Variants in TNRC6B observed in about 807,000 individuals in gnomAD.
TNRC6B encodes the protein trinucleotide repeat-containing gene 6B protein.
A neutral mutation model predicts 203.6 loss-of-function variants in TNRC6B; 52 were observed. That is an observed-to-expected ratio of 0.26 (90% confidence interval 0.20 to 0.32). The LOEUF (loss-of-function observed/expected upper bound fraction) is 0.32, where lower values mean the gene tolerates loss of function less well. Among genes scored for constraint, TNRC6B ranks in the 10% least tolerant of loss-of-function variants. The probability of loss-of-function intolerance (pLI) is 1.00; values close to 1 mark genes in which losing one functional copy is unlikely to be tolerated. For synonymous variants in TNRC6B, 838 were observed against 845.7 expected (o/e 0.99, Z 0.16); for missense variants, 1,923 against 2,286.2 (o/e 0.84, Z 3.24).
chr22:40,053,657 C>T (rs2067769631), intron 1 of TNRC6B, among the ~76,000 whole-genome samples: 2 of 152,182 alleles, frequency 1.3e-5, no homozygotes, highest in Admixed American at 1.3e-4. Flanking sequence ...TTGTAGTCAT[C>T]TTTGCATCCC....
chr22:40,156,877 A>G (rs914280426), intron 4 of TNRC6B, among the ~76,000 whole-genome samples: 1 of 150,204 alleles, frequency 6.7e-6, no homozygotes, highest in Admixed American at 6.7e-5. Context: ...CTCCTTCCTC[A>G]GCCTCCTAAA....
At chr22:40,222,734 T>C (rs2069729633) in intron 1 of TNRC6B, among the ~76,000 whole-genome samples, 1 of 51,702 alleles carries the variant, frequency 1.9e-5, no homozygotes, top group African/African-American at 4.3e-5. Flanking sequence ...CTCTCTTTTT[T>C]TTTTTTTTTT....
chr22:40,159,594 G>A (rs2068853627), intron 4 of TNRC6B, among the ~76,000 whole-genome samples: 1 of 151,540 alleles, frequency 6.6e-6, no homozygotes, highest in Non-Finnish European at 1.5e-5. Context: ...AGCCAAGATT[G>A]TGCCACTGCA....
chr22:40,233,563 A>G (rs1001855990), intron 1 of TNRC6B, among the ~76,000 whole-genome samples: 7 of 151,916 alleles, frequency 4.6e-5, no homozygotes, highest in Admixed American at 4.6e-4. Context: ...CGGAGGTTGC[A>G]GTGAGCTGAG....
chr22:40,109,027 T>A (rs745439409), intron 1 of TNRC6B, among the ~76,000 whole-genome samples: 13 of 148,020 alleles, frequency 8.8e-5, no homozygotes, highest in Non-Finnish European at 1.6e-4. Context: ...AGTGAGAATA[T>A]GCAGTGTTTG....
In TNRC6B at chr22:40,315,895, G is replaced by A. The variant is rs766455443; in HGVS notation, c.4904-47G>A. On this transcript the variant is annotated intron_variant, in intron 20 of 22. Transcript: ENST00000454349. ...ATCTTTCTCCCTCATGGCTTTTCTT[G>A]TTTTTGTTTTATTTCTCTTCCTAAC... The A allele has an allele frequency of 4.8e-6, 7 of 1,460,040 alleles. No homozygotes were observed. The South Asian group carries it at 8.4e-5, about 17-fold the overall frequency. 90.4% of individuals were successfully genotyped at this position (1,460,040 alleles called of 1,614,324 possible).
chr22:40,274,876 C>T (rs1601480207), intron 7 of TNRC6B, among the ~76,000 whole-genome samples: 1 of 152,152 alleles, frequency 6.6e-6, no homozygotes, highest in African/African-American at 2.4e-5. Flanking sequence ...CAGACCCTCT[C>T]TTTTTTCAAT....
At chr22:40,127,012 TAATA>T (rs1031681323) in intron 3 of TNRC6B, among the ~76,000 whole-genome samples, 13 of 149,182 alleles carry the variant, frequency 8.7e-5, no homozygotes, top group African/African-American at 1.5e-4. Context: ...TAAATATATA[TAATA>T]AATAAAATAA....
chr22:40,192,532 G>T (rs1476089336), intron 1 of TNRC6B, among the ~76,000 whole-genome samples: 2 of 152,180 alleles, frequency 1.3e-5, no homozygotes, highest in African/African-American at 4.8e-5. Context: ...CATGAGAATT[G>T]CTTGAATCCA....
Position 40,266,074 on chromosome 22 carries a change from C to G in TNRC6B, c.1844C>G (p.Pro615Arg). 1.2e-6 allele frequency: 2 copies of G among 1,613,710 alleles called. No homozygotes were observed. The highest frequency in any genetic ancestry group is 1.7e-6 in the Non-Finnish European group (2 of 1,179,900). Reference protein sequence around the residue: ...QTLLSRTDLDPRVLSNTGWGQ... With the variant: ...QTLLSRTDLDRRVLSNTGWGQ... Reference sequence around the variant, plus strand: ...CTTTTGAGCCGAACTGATTTGGACCCCAGGGTGCTCTCAAACACTGGCTGG... The same window carrying G: ...CTTTTGAGCCGAACTGATTTGGACCGCAGGGTGCTCTCAAACACTGGCTGG... Residue 615 changes from proline to arginine, a missense_variant, in exon 5 of 23, where the codon CCC becomes CGC. By Grantham distance (103) the Pro-to-Arg change is moderately radical (BLOSUM62 -2). Around this residue, in one of 8 missense-constraint regions of TNRC6B, gnomAD observed 38 missense variants for 70.3 expected, o/e 0.54. Coordinates refer to ENST00000454349, the MANE Select transcript of TNRC6B (RefSeq NM_001162501.2).
upstream of TNRC6B, among the ~76,000 whole-genome samples, chr22:40,173,754 T>A (rs914565195): frequency 7.2e-6 from 1 of 139,736 alleles, no homozygotes; most frequent in African/African-American, 2.6e-5. Flanking sequence ...GTTTATTAAC[T>A]CTTTTTCTAG....
chr22:40,081,379 T>C (rs2068063137), intron 1 of TNRC6B, among the ~76,000 whole-genome samples: 1 of 150,096 alleles, frequency 6.7e-6, no homozygotes, highest in African/African-American at 2.4e-5. Flanking sequence ...TGCTTAAACT[T>C]TCAGACTGCT....
intron 1 of TNRC6B, among the ~76,000 whole-genome samples, chr22:40,091,949 A>G (rs2068154159): frequency 6.6e-6 from 1 of 152,184 alleles, no homozygotes; most frequent in African/African-American, 2.4e-5. Flanking sequence ...GCCTCCAGGA[A>G]CCTGCCAGAG....
In TNRC6B at chr22:40,134,386, A is replaced by G. The variant is rs564747101; in HGVS notation, c.45+8524A>G. On this transcript the variant is annotated intron_variant, in intron 3 of 23. Coordinates refer to the TNRC6B transcript ENST00000301923. ...TTCCACTAGCGGAATGTTCTGCAGAATACCTGATCAGCACTCCTGAAAACT... is the reference window on the plus strand; with the variant it reads ...TTCCACTAGCGGAATGTTCTGCAGAGTACCTGATCAGCACTCCTGAAAACT... Among the ~76,000 whole-genome samples the G allele has an allele frequency of 5.3e-5, 8 of 152,322 alleles. No individual in the cohort carries two copies. In the South Asian group the frequency reaches 1.4e-3, roughly 28 times the overall value.
chr22:40,245,963 A>G (rs1601916581), intron 1 of TNRC6B, 52 bp from the exon 2 acceptor site: 1 of 1,408,294 alleles, frequency 7.1e-7, no homozygotes, highest in East Asian at 2.6e-5. Context: ...TGCTGCGGAA[A>G]TGGATTGTGA....
intron 1 of TNRC6B, among the ~76,000 whole-genome samples, chr22:40,181,467 G>A (rs2069127900): frequency 6.6e-6 from 1 of 152,244 alleles, no homozygotes; most frequent in South Asian, 2.1e-4. Flanking sequence ...GCTGGACACA[G>A]CCCTGAGGCA....
intron 4 of TNRC6B, among the ~76,000 whole-genome samples, chr22:40,168,482 G>C (rs990421766): frequency 2.0e-5 from 3 of 152,126 alleles, no homozygotes; most frequent in African/African-American, 7.2e-5. Flanking sequence ...TCCAAACGCA[G>C]ATTTAACTTT....
chr22:40,097,488 T>G (rs1268839844), intron 1 of TNRC6B, among the ~76,000 whole-genome samples: 1 of 152,012 alleles, frequency 6.6e-6, no homozygotes, highest in Non-Finnish European at 1.5e-5. Flanking sequence ...AAAAATATTT[T>G]TGTAGAGATT....
intron 1 of TNRC6B, among the ~76,000 whole-genome samples, chr22:40,102,164 T>C (rs898932178): frequency 1.3e-5 from 2 of 152,250 alleles, no homozygotes; most frequent in African/African-American, 4.8e-5. Context: ...AAAAACATTA[T>C]ATACTATGCT....
Sources: gnomAD v4.1 joint callset for allele counts (sites outside exome capture counted in the v4.1 genomes callset) on GRCh38, gnomAD v4.1.1 for gene constraint, gnomAD v4.1.1 regional missense constraint, MANE v1.5 for transcripts, NCBI Gene and HGNC (gene_info 2026-07-23, HGNC 2026-07-21) for gene names.